KIAA1549: variants seen among roughly 807,000 people sequenced by gnomAD.
KIAA1549 encodes the protein KIAA1549.
In KIAA1549, 70 loss-of-function variants were observed where a neutral mutation model predicts 156.4. The ratio of observed to expected loss-of-function variants is 0.45; its 90% CI spans 0.37 to 0.55. KIAA1549 has a LOEUF of 0.55. Among genes scored for constraint, KIAA1549 ranks in the 20% least tolerant of loss-of-function variants. The pLI, the probability that KIAA1549 is intolerant of heterozygous loss-of-function variation, is 0.00. For missense variants in KIAA1549, 2,428 were observed against 2,540.9 expected (o/e 0.96, Z 0.96); for synonymous variants, 1,103 against 1,066.4 (o/e 1.03, Z -0.67).
intron 15 of KIAA1549, among the ~76,000 whole-genome samples, chr7:138,862,967 G>A (rs1810631737): frequency 6.6e-6 from 1 of 152,122 alleles, no homozygotes; most frequent in African/African-American, 2.4e-5. Flanking sequence ...GGTTCAAATT[G>A]TGTTCTATAC....
rs1190836844 is a variant in KIAA1549, at chr7:138,832,945, G to A, written c.*4961C>T. The A allele has an allele frequency of 8.7e-6, 2 of 230,904 alleles. No individual in the cohort carries two copies. Among genetic ancestry groups the A allele is most frequent in the South Asian group, 1.8e-4 (1 of 5,500 alleles). 14.3% of individuals were successfully genotyped at this position (230,904 alleles called of 1,614,324 possible). The stretch of plus-strand genomic sequence containing the variant: ...AGTTGATGAGTATGTTACAGCAGCT[G>A]CTCATAGAAACCCTGTTAGAACGTG... On this transcript the variant is annotated 3_prime_UTR_variant, in exon 20 of 20. Transcript: ENST00000422774.
intron 1 of KIAA1549, among the ~76,000 whole-genome samples, chr7:138,923,051 G>C (rs758596548): frequency 1.3e-5 from 2 of 152,144 alleles, no homozygotes; most frequent in Non-Finnish European, 2.9e-5. Context: ...AAAGGAAACA[G>C]CAGCTAAACT....
At chr7:138,920,596 G>C (rs1174756229) in intron 1 of KIAA1549, among the ~76,000 whole-genome samples, 1 of 152,166 alleles carries the variant, frequency 6.6e-6, no homozygotes, top group Non-Finnish European at 1.5e-5. Context: ...TTATCATTTA[G>C]TAAGTTGAGG....
chr7:138,838,068 G>A lies in KIAA1549; in HGVS notation c.5691C>T (p.Asn1897=). 6.3e-7 allele frequency: 1 copy of A among 1,592,890 alleles called. No homozygotes were observed. Residue 1897 remains asparagine, a synonymous_variant, in exon 20 of 20, where the codon AAC becomes AAT. Coordinates refer to ENST00000422774, the MANE Select transcript of KIAA1549 (RefSeq NM_001164665.2). ...GGCCCTGCAGTCCCCGGTGGGGGAG[G>A]TTCCCGGAAGGAGCTGAGGGCTCCC... ...SGREPSAPSG[N]LPHRGLQGPG...
rs1465733619 is a variant in KIAA1549 at position 138,881,408 on chromosome 7, C to T, written c.4209G>A (p.Lys1403=). Residue 1403 remains lysine (K), a synonymous_variant, in exon 11 of 20, where the codon AAG becomes AAA. Coordinates refer to ENST00000422774, the MANE Select transcript of KIAA1549 (RefSeq NM_001164665.2). ...ATAACCTTCCTCTGTGACGAACATT[C>T]TTGGAAGGGATCTTTGACTTGGGGC... ...VPSPKSKIPS[K]NVRHRGRVSP... is the part of the protein sequence containing the mutation. 1 of 1,613,624 alleles carries T rather than the reference C, an allele frequency of 6.2e-7. No homozygotes were observed. Among genetic ancestry groups the T allele is most frequent in the Non-Finnish European group, 8.5e-7 (1 of 1,179,848 alleles).
intron 1 of KIAA1549, among the ~76,000 whole-genome samples, chr7:138,965,930 C>A (rs925305939): frequency 1.2e-4 from 19 of 152,334 alleles, no homozygotes; most frequent in African/African-American, 4.6e-4. Flanking sequence ...CCTGCTGCCT[C>A]CAGCCTCCAC....
intron 10 of KIAA1549, among the ~76,000 whole-genome samples, chr7:138,882,724 G>A (rs1811278104): frequency 6.6e-6 from 1 of 152,126 alleles, no homozygotes; most frequent in Non-Finnish European, 1.5e-5. Context: ...TGTAGTAGAA[G>A]CAAAGGGAAC....
intron 1 of KIAA1549, among the ~76,000 whole-genome samples, chr7:138,967,586 A>G (rs560517617): frequency 6.6e-6 from 1 of 152,322 alleles, no homozygotes; most frequent in East Asian, 1.9e-4. Context: ...CTAATTTTTC[A>G]AATTCCTAAG....
At chr7:138,888,866 C>G (rs922758207) in intron 10 of KIAA1549, among the ~76,000 whole-genome samples, 1 of 152,158 alleles carries the variant, frequency 6.6e-6, no homozygotes, top group Non-Finnish European at 1.5e-5. Context: ...ATCTGTCAAG[C>G]CTTTTTCAGA....
chr7:138,939,957 G>A (rs2130520503), intron 1 of KIAA1549, among the ~76,000 whole-genome samples: 1 of 151,916 alleles, frequency 6.6e-6, no homozygotes, highest in East Asian at 1.9e-4. Context: ...GACCAGCCTG[G>A]GCAACATAGC....
chr7:138,865,741 A>C (rs1810719903), intron 15 of KIAA1549, among the ~76,000 whole-genome samples: 1 of 152,196 alleles, frequency 6.6e-6, no homozygotes, highest in Non-Finnish European at 1.5e-5. Flanking sequence ...AAGCTACCGC[A>C]AAAGAAGGCT....
In KIAA1549 at chr7:138,835,759, G is replaced by A; in HGVS notation, c.*2147C>T. ...GAGTCGGGTATTAAACCAAGACCAA[G>A]AGAAATTTGGTATTAAACCAAAACC... On this transcript the variant is annotated 3_prime_UTR_variant, in exon 20 of 20. Transcript: ENST00000422774. 1 of 220,552 alleles carries A rather than the reference G, an allele frequency of 4.5e-6. No individual in the cohort carries two copies. The highest frequency in any genetic ancestry group is 9.1e-6 in the Non-Finnish European group (1 of 110,092). The allele number at this position is 220,552 out of a possible 1,614,324, so 13.7% of individuals were successfully genotyped here.
At chr7:138,906,809 A>G in intron 6 of KIAA1549, 110 bp downstream of exon 6, 1 of 838,170 alleles carries the variant, frequency 1.2e-6, no homozygotes, top group Non-Finnish European at 1.7e-6. Context: ...TGGAAAAATA[A>G]TTTTTAAAAA....
intron 15 of KIAA1549, among the ~76,000 whole-genome samples, chr7:138,863,822 T>C (rs1014063369): frequency 4.6e-5 from 7 of 152,128 alleles, no homozygotes; most frequent in Non-Finnish European, 8.8e-5. Flanking sequence ...AACTGCAACA[T>C]CCCACTGGAG....
At position 138,969,059 on chromosome 7, in the gene KIAA1549, T is replaced by C. The variant is rs149771748; in HGVS notation, c.187+12024A>G. On this transcript the variant is annotated intron_variant, in intron 1 of 19. Coordinates refer to ENST00000422774, the MANE Select transcript of KIAA1549 (RefSeq NM_001164665.2). ...TTAAGCCCAGTACCCAATAGTTATC[T>C]TTTCTGCTCCTCTCCTTCCTCCCAC... Among the ~76,000 whole-genome samples, 313 of 152,202 alleles carry C rather than the reference T, an allele frequency of 2.1e-3. 1 individual carries two copies. The highest frequency in any genetic ancestry group is 0.01 in the Middle Eastern group (3 of 294).
intron 1 of KIAA1549, among the ~76,000 whole-genome samples, chr7:138,932,800 T>C (rs1245934634): frequency 3.3e-5 from 5 of 152,206 alleles, no homozygotes; most frequent in African/African-American, 9.7e-5. Context: ...CAGAAACTGC[T>C]ATTACCATGA....
At chr7:138,878,563 C>A (rs1030911607) in intron 12 of KIAA1549, among the ~76,000 whole-genome samples, 44 of 152,246 alleles carry the variant, frequency 2.9e-4, no homozygotes, top group African/African-American at 9.9e-4. Context: ...GAGTTCAAGA[C>A]CAGCCTGAGC....
chr7:138,838,286 G>A (rs1809807104), intron 19 of KIAA1549, 126 bp from the exon 20 acceptor site: 1 of 968,598 alleles, frequency 1.0e-6, no homozygotes, highest in Non-Finnish European at 1.5e-6. Context: ...CCTCTAACAG[G>A]GCCCTGCTGC....
At chr7:138,936,918 C>T (rs1381308821) in intron 1 of KIAA1549, among the ~76,000 whole-genome samples, 3 of 152,178 alleles carry the variant, frequency 2.0e-5, no homozygotes, top group Non-Finnish European at 2.9e-5. Flanking sequence ...CCTCTATCCC[C>T]TCCAATCCAT....
Sources: allele counts gnomAD v4.1 joint callset (sites outside exome capture counted in the v4.1 genomes callset), GRCh38; gene constraint gnomAD v4.1.1; transcripts MANE v1.5; gene names NCBI Gene and HGNC (gene_info 2026-07-23, HGNC 2026-07-21).